The following FNDC1 variants were observed in gnomAD, a reference collection of about 807,000 sequenced individuals.
The protein encoded by FNDC1 is fibronectin type III domain containing 1.
In FNDC1, 96 loss-of-function variants were observed where a neutral mutation model predicts 168.0. The ratio of observed to expected loss-of-function variants is 0.57; its 90% CI spans 0.48 to 0.68. The LOEUF (loss-of-function observed/expected upper bound fraction) is 0.68, where lower values mean the gene tolerates loss of function less well. Ranked by LOEUF, FNDC1 falls within the 30% of genes least tolerant of loss-of-function variation. FNDC1 has a pLI of 0.00. For synonymous variants in FNDC1, 1,099 were observed against 1,025.9 expected, an observed-to-expected ratio of 1.07 and a Z score of -1.36; for missense variants, 2,587 against 2,482.1, an observed-to-expected ratio of 1.04 and a Z score of -0.90.
At chr6:159,215,883 G>A (rs553944784) in intron 5 of FNDC1, among the ~76,000 whole-genome samples, 59 of 152,226 alleles carry the variant, frequency 3.9e-4, no homozygotes, top group African/African-American at 1.2e-3. Flanking sequence ...TTGAGGGTGC[G>A]TCTGCCTTTC....
chr6:159,212,762 T>C (rs1043747936), intron 4 of FNDC1, among the ~76,000 whole-genome samples: 5 of 152,232 alleles, frequency 3.3e-5, no homozygotes, highest in African/African-American at 1.2e-4. Context: ...AAAGCAGTCA[T>C]GTGTTTATAC....
intron 9 of FNDC1, among the ~76,000 whole-genome samples, chr6:159,227,461 T>G (rs1436436583): frequency 6.6e-6 from 1 of 152,184 alleles, no homozygotes; most frequent in Non-Finnish European, 1.5e-5. Flanking sequence ...CTTTGAGAAT[T>G]TCTTAATTGA....
intron 5 of FNDC1, among the ~76,000 whole-genome samples, chr6:159,216,685 C>A (rs569614139): frequency 1.3e-5 from 2 of 152,226 alleles, no homozygotes; most frequent in South Asian, 4.1e-4. Flanking sequence ...AGAGAGCACA[C>A]GCAGGGCCCA....
intron 9 of FNDC1, among the ~76,000 whole-genome samples, chr6:159,229,078 T>C (rs557890253): frequency 3.9e-5 from 6 of 152,322 alleles, no homozygotes; most frequent in Middle Eastern, 3.4e-3. Context: ...TAAAATATTA[T>C]TCCCTTATGT....
rs143653623 is a variant in FNDC1, at chr6:159,249,262, C to T, written c.4834+80C>T. The T allele has an allele frequency of 3.6e-5, 50 of 1,392,496 alleles. No individual in the cohort carries two copies. The East Asian group carries it at 1.2e-3, about 32-fold the overall frequency. 86.3% of individuals were successfully genotyped at this position (1,392,496 alleles called of 1,614,324 possible). On this transcript the variant is annotated intron_variant, in intron 16 of 22. Coordinates refer to ENST00000297267, the MANE Select transcript of FNDC1 (RefSeq NM_032532.3). ...AAGAAAAACATTACTAATCTTTTGG[C>T]CTCGCCAAGGCAGTGCATTTTGAGA...
At chr6:159,256,204 TA>T (rs763416704) in intron 17 of FNDC1, among the ~76,000 whole-genome samples, 10 of 152,358 alleles carry the variant, frequency 6.6e-5, no homozygotes, top group South Asian at 2.1e-4. Context: ...TTTTTTCTTC[TA>T]CTTTTGTTTT....
chr6:159,238,491 A>G (rs450538), intron 12 of FNDC1, 63 bp from the exon 13 acceptor site: 995,152 of 1,136,738 alleles, frequency 0.88, 437,617 homozygotes, highest in Middle Eastern at 0.91. Flanking sequence ...TACATATATA[A>G]TTGGACTAAT....
Position 159,221,712 on chromosome 6 carries a change from T to C in FNDC1, c.766+16T>C, listed in dbSNP as rs749132561. On this transcript the variant is annotated intron_variant, in intron 6 of 22. Transcript: ENST00000297267. ...AAGATTTCAGGTATGTTTCTAAGGA[T>C]GCATTTGGTCAAACCATAGTCTGGT... The C allele has an allele frequency of 1.3e-6, 2 of 1,595,912 alleles. No homozygotes were observed. Among genetic ancestry groups the C allele is most frequent in the Non-Finnish European group, 1.7e-6 (2 of 1,163,524 alleles).
In FNDC1 at chr6:159,266,192, T is replaced by C; in HGVS notation, c.5393T>C (p.Val1798Ala). Residue 1798 changes from valine to alanine, a missense_variant, in exon 21 of 23, where the codon GTT becomes GCT. Transcript: ENST00000297267. The stretch of plus-strand genomic sequence containing the variant: ...ACGTGGTATCGAAAGTTCGTGGGAG[T>C]TGTTCTTTGTAATTCACTGAGGTAT... ...KRTWYRKFVG[V>A]VLCNSLRYKI... is the part of the protein sequence containing the mutation. The C allele has an allele frequency of 6.2e-7, 1 of 1,613,714 alleles. No individual in the cohort carries two copies. The highest frequency in any genetic ancestry group is 8.5e-7 in the Non-Finnish European group (1 of 1,179,832).
chr6:159,229,763 C>A, intron 9 of FNDC1, 52 bp from the exon 10 acceptor site: 1 of 1,522,166 alleles, frequency 6.6e-7, no homozygotes, highest in South Asian at 1.2e-5. Context: ...GTCTGCTGGA[C>A]ACAGGACTGT....
intron 1 of FNDC1, among the ~76,000 whole-genome samples, chr6:159,173,451 A>G (rs1048065917): frequency 6.6e-6 from 1 of 152,242 alleles, no homozygotes; most frequent in Non-Finnish European, 1.5e-5. Flanking sequence ...GGCACCCGCC[A>G]ATGGCAGATG....
chr6:159,169,608 G>T lies in FNDC1; in HGVS notation c.12G>T (p.Glu4Asp). The T allele has an allele frequency of 8.9e-7, 1 of 1,123,586 alleles. No individual in the cohort carries two copies. Among genetic ancestry groups the T allele is most frequent in the South Asian group, 4.0e-5 (1 of 24,742 alleles). 69.6% of individuals were successfully genotyped at this position (1,123,586 alleles called of 1,614,324 possible). Reference sequence around the variant, plus strand: ...ACCCCGGGCTCTCGATGGCCCCCGAGGCCGGGGCGACCCTGCGCGCGCCGC... The same window carrying T: ...ACCCCGGGCTCTCGATGGCCCCCGATGCCGGGGCGACCCTGCGCGCGCCGC... MAP[E>D]AGATLRAPRR... is the part of the protein sequence containing the mutation. The change falls in exon 1 of 23, where the codon GAG (glutamate) becomes GAT (aspartate). Residue 4 changes from glutamate (E) to aspartate (D), a missense_variant. Coordinates refer to ENST00000297267, the MANE Select transcript of FNDC1 (RefSeq NM_032532.3). The surrounding 1 kb of genome is among the most constrained non-coding windows in gnomAD (Gnocchi z 6.8).
At chr6:159,268,821 CATCTATCT>C (rs59375644) in intron 22 of FNDC1, among the ~76,000 whole-genome samples, 5,169 of 145,996 alleles carry the variant, frequency 0.035, 106 homozygotes, top group South Asian at 0.057. Flanking sequence ...TCTATCTATT[CATCTATCT>C]ATCTATCTAT....
rs779095363 is a variant in FNDC1 at position 159,233,586 on chromosome 6, G to A, written c.3074G>A (p.Gly1025Asp). The change falls in exon 11 of 23, where the codon GGT (glycine) becomes GAT (aspartate). Residue 1025 changes from glycine (G) to aspartate (D), a missense_variant. Gly to Asp is a moderately conservative substitution (Grantham distance 94). Transcript: ENST00000297267. This position sits in a 1 kb window ranked among gnomAD's most constrained non-coding sequence, Gnocchi z 4.6. Reference protein sequence around the residue: ...HHPGPQSRDAGRSPSQPRLSL... With the variant: ...HHPGPQSRDADRSPSQPRLSL... ...CCGGGACCCCAGAGCAGAGACGCGG[G>A]TCGGTCACCTTCCCAGCCCAGGCTC... The A allele has an allele frequency of 9.5e-6, 15 of 1,583,796 alleles. No individual in the cohort carries two copies. The African/African-American group carries it at 1.2e-4, about 13-fold the overall frequency.
intron 17 of FNDC1, 96 bp from the exon 18 acceptor site, chr6:159,256,427 C>T: frequency 1.2e-6 from 1 of 845,606 alleles, no homozygotes. Context: ...GGAGCTGCAT[C>T]TGCAGCTTTG....
Position 159,195,437 on chromosome 6 carries a change from G to A in FNDC1, c.110-1994G>A, listed in dbSNP as rs554994858. On this transcript the variant is annotated intron_variant, in intron 1 of 22. Transcript: ENST00000297267. ...GTGGAGGGTGGTGGGGTGGTAAACA[G>A]CTCTGGAGGTCTTACAATTTGTTTT... 1.4e-4 allele frequency among the ~76,000 whole-genome samples: 21 copies of A among 152,194 alleles called. No homozygotes were observed. In the East Asian group the frequency reaches 4.1e-3, roughly 29 times the overall value.
rs763318775 is a variant in FNDC1 at position 159,234,240 on chromosome 6, C to T, written c.3728C>T (p.Pro1243Leu). 5 of 1,591,796 alleles carry T rather than the reference C, an allele frequency of 3.1e-6. No individual in the cohort carries two copies. Among genetic ancestry groups the T allele is most frequent in the Non-Finnish European group, 4.3e-6 (5 of 1,169,224 alleles). ...RGGSLAPVKR[P>L]LPPPPGSSPR... is the part of the protein sequence containing the mutation. ...GGGAGCCTGGCTCCTGTGAAGCGAC[C>T]TCTCCCCCCACCTCCAGGCAGCTCC... The change falls in exon 11 of 23, where the codon CCT becomes CTT. Residue 1243 changes from proline to leucine, a missense_variant. Coordinates refer to ENST00000297267, the MANE Select transcript of FNDC1 (RefSeq NM_032532.3).
Position 159,214,628 on chromosome 6 carries a change from C to T in FNDC1, c.461-317C>T, listed in dbSNP as rs183135200. 2.0e-5 allele frequency among the ~76,000 whole-genome samples: 3 copies of T among 152,072 alleles called. No homozygotes were observed. In the East Asian group the frequency reaches 5.8e-4, roughly 29 times the overall value. ...CTTTCCTGAGAATATATAGTTTTGGCCTAAAGGGGACAAAAGGAAATAGAT... is the reference window on the plus strand; with the variant it reads ...CTTTCCTGAGAATATATAGTTTTGGTCTAAAGGGGACAAAAGGAAATAGAT... On this transcript the variant is annotated intron_variant, in intron 4 of 22. Transcript: ENST00000297267.
At chr6:159,260,137 A>C (rs543381468) in intron 18 of FNDC1, among the ~76,000 whole-genome samples, 1 of 152,386 alleles carries the variant, frequency 6.6e-6, no homozygotes, top group Non-Finnish European at 1.5e-5. Flanking sequence ...GCCAGATAAG[A>C]GGTCCCTTAT....
Sources: allele counts gnomAD v4.1 joint callset (sites outside exome capture counted in the v4.1 genomes callset), GRCh38; gene constraint gnomAD v4.1.1; non-coding constraint Gnocchi (gnomAD v3.1); transcripts MANE v1.5; gene names NCBI Gene and HGNC (gene_info 2026-07-23, HGNC 2026-07-21).